The following SLC4A9 variants were observed in gnomAD, a reference collection of about 807,000 sequenced individuals.
SLC4A9 encodes the protein solute carrier family 4 member 9.
In SLC4A9, 102 loss-of-function variants were observed where a neutral mutation model predicts 103.2. The ratio of observed to expected loss-of-function variants is 0.99; its 90% CI spans 0.84 to 1.17. The LOEUF (loss-of-function observed/expected upper bound fraction) is 1.17, where lower values mean the gene tolerates loss of function less well. Ranked by LOEUF, SLC4A9 falls within the 50% of genes most tolerant of loss-of-function variation. The probability of loss-of-function intolerance (pLI) is 0.00; values close to 1 mark genes in which losing one functional copy is unlikely to be tolerated. For missense variants in SLC4A9, 1,091 were observed against 1,193.7 expected (o/e 0.91, Z 1.27); for synonymous variants, 453 against 483.6 (o/e 0.94, Z 0.83).
At chr5:140,362,587 T>C (rs1767260520) in intron 6 of SLC4A9, 55 bp downstream of exon 6, 1 of 1,469,608 alleles carries the variant, frequency 6.8e-7, no homozygotes, top group South Asian at 1.1e-5. Flanking sequence ...CCTGTGTGTG[T>C]GTGCACACAT....
chr5:140,372,699 GTCTT>G lies in SLC4A9; in HGVS notation c.2827-42_2827-39del, dbSNP rs761044804. On this transcript the variant is annotated intron_variant, in intron 20 of 21. Coordinates refer to ENST00000506757, the MANE Select transcript of SLC4A9 (RefSeq NM_031467.3). ...ACCTCTATGTTGTCTTTCACTATCT[GTCTT>G]TCTATCTATTCTCAATCCATCTTGG... The G allele has an allele frequency of 7.3e-6, 11 of 1,497,656 alleles. No homozygotes were observed. In the South Asian group the frequency reaches 1.1e-4, roughly 14 times the overall value. 92.8% of individuals were successfully genotyped at this position (1,497,656 alleles called of 1,614,324 possible).
intron 16 of SLC4A9, 112 bp from the exon 17 acceptor site, chr5:140,368,475 C>A: frequency 2.5e-6 from 2 of 798,514 alleles, no homozygotes; most frequent in South Asian, 2.1e-5. Context: ...CTGGGGTATT[C>A]CTCTAGTTTT....
At position 140,360,968 on chromosome 5, in the gene SLC4A9, C is replaced by T. The variant is rs533357471; in HGVS notation, c.387C>T (p.Leu129=). 154 of 1,575,102 alleles carry T rather than the reference C, an allele frequency of 9.8e-5. No individual in the cohort carries two copies. Among genetic ancestry groups the T allele is most frequent in the Non-Finnish European group, 1.1e-4 (126 of 1,159,874 alleles). Residue 129 remains leucine (L), a synonymous_variant, in exon 2 of 22, where the codon CTC becomes CTT. Transcript: ENST00000506757. ...GCCCAGCTCAGAGCCTCCTGGAGCTCGTGGGTAGGCTGGGATCCTTTGCAG... is the reference window on the plus strand; with the variant it reads ...GCCCAGCTCAGAGCCTCCTGGAGCTTGTGGGTAGGCTGGGATCCTTTGCAG... ...LDCPAQSLLE[L]VEQVTRVESL... is the part of the protein sequence containing the mutation.
intron 17 of SLC4A9, 115 bp from the exon 18 acceptor site, chr5:140,370,980 G>A (rs1229595467): frequency 6.1e-6 from 5 of 822,196 alleles, no homozygotes; most frequent in East Asian, 2.7e-5. Context: ...GAAAGGCAAG[G>A]CCTGGGCAGA....
chr5:140,363,015 A>C lies in SLC4A9; in HGVS notation c.911A>C (p.Asp304Ala), dbSNP rs1767333409. ...EVTVLPPGRW[D>A]PTARIPPPKC... ...ACAGTGCTTCCCCCAGGTCGGTGGG[A>C]CCCAACAGCCCGGATTCCCCCGCCC... Residue 304 changes from aspartate (D) to alanine (A), a missense_variant, in exon 7 of 22, where the codon GAC (aspartate) becomes GCC (alanine). Coordinates refer to ENST00000506757, the MANE Select transcript of SLC4A9 (RefSeq NM_031467.3). The surrounding 1 kb of genome is among the most constrained non-coding windows in gnomAD (Gnocchi z 4.5). 1 of 1,612,322 alleles carries C rather than the reference A, an allele frequency of 6.2e-7. No individual in the cohort carries two copies. The highest frequency in any genetic ancestry group is 1.1e-5 in the South Asian group (1 of 90,916).
chr5:140,362,716 C>T (rs527890540), intron 6 of SLC4A9, among the ~76,000 whole-genome samples, 184 bp downstream of exon 6: 1 of 152,320 alleles, frequency 6.6e-6, no homozygotes, highest in Non-Finnish European at 1.5e-5. Flanking sequence ...AGTGCAGCCC[C>T]ATTACTGGAT....
At position 140,367,467 on chromosome 5, in the gene SLC4A9, C is replaced by A; in HGVS notation, c.2061C>A (p.Asn687Lys). Residue 687 changes from asparagine (N) to lysine (K), a missense_variant, in exon 15 of 22, where the codon AAC (asparagine) becomes AAA (lysine). Physicochemically the swap from Asn to Lys is moderately conservative, Grantham distance 94 (BLOSUM62 0). Coordinates refer to ENST00000506757, the MANE Select transcript of SLC4A9 (RefSeq NM_031467.3). ...GGCTGGTGTCACCTTTTGGAGCCAACCCCTGGTGGTGGAGTGTGGCAGCTG... is the reference window on the plus strand; with the variant it reads ...GGCTGGTGTCACCTTTTGGAGCCAAACCCTGGTGGTGGAGTGTGGCAGCTG... Reference protein sequence around the residue: ...RGWLVSPFGANPWWWSVAAAL... With the variant: ...RGWLVSPFGAKPWWWSVAAAL... The A allele has an allele frequency of 1.2e-6, 2 of 1,609,534 alleles. No individual in the cohort carries two copies. The highest frequency in any genetic ancestry group is 1.1e-5 in the South Asian group (1 of 89,984).
In SLC4A9 at chr5:140,363,933, G is replaced by A. The variant is rs749176217; in HGVS notation, c.1254+31G>A. 5 of 1,608,910 alleles carry A rather than the reference G, an allele frequency of 3.1e-6. No individual in the cohort carries two copies. The East Asian group carries it at 6.7e-5, about 22-fold the overall frequency. On this transcript the variant is annotated intron_variant, in intron 9 of 21. Transcript: ENST00000506757. The surrounding 1 kb of genome is among the most constrained non-coding windows in gnomAD (Gnocchi z 4.5). ...TAGGGCCCAGGGGGCAGGCACAAGC[G>A]TTGGTGTCCCCTAGTCCATCCCTTC...
chr5:140,367,961 T>C, intron 16 of SLC4A9, 63 bp downstream of exon 16: 1 of 1,559,868 alleles, frequency 6.4e-7, no homozygotes. Flanking sequence ...AAGGGGAACA[T>C]GGCAGAGTTA....
At chr5:140,362,364 G>T in intron 5 of SLC4A9, 81 bp from the exon 6 acceptor site, 1 of 1,400,200 alleles carries the variant, frequency 7.1e-7, no homozygotes, top group East Asian at 2.3e-5. Context: ...GGAGCTGATA[G>T]GTCAGAGCTG....
Position 140,364,557 on chromosome 5 carries a change from A to G in SLC4A9, c.1583A>G (p.His528Arg), listed in dbSNP as rs757516075. 2 of 1,605,656 alleles carry G rather than the reference A, an allele frequency of 1.2e-6. No individual in the cohort carries two copies. The highest frequency in any genetic ancestry group is 2.2e-5 in the South Asian group (2 of 89,826). ...GTGGGCAAAATGCTGAACTTGACCCATACCTATCCTATCCAGAAGCCTGGG... is the reference window on the plus strand; with the variant it reads ...GTGGGCAAAATGCTGAACTTGACCCGTACCTATCCTATCCAGAAGCCTGGG... ...DAVGKMLNLTHTYPIQKPGSS... is the reference protein window; with the variant it reads ...DAVGKMLNLTRTYPIQKPGSS... The change falls in exon 11 of 22, where the codon CAT becomes CGT. Residue 528 changes from histidine (H) to arginine (R), a missense_variant. Transcript: ENST00000506757.
chr5:140,367,324 G>T, intron 14 of SLC4A9, 96 bp from the exon 15 acceptor site: 1 of 1,414,752 alleles, frequency 7.1e-7, no homozygotes, highest in Non-Finnish European at 9.5e-7. Context: ...GACTTGGGGT[G>T]GGGGCAGGTT....
chr5:140,367,997 G>C, intron 16 of SLC4A9, 99 bp downstream of exon 16: 2 of 1,286,802 alleles, frequency 1.6e-6, no homozygotes, highest in Non-Finnish European at 2.2e-6. Context: ...TTCTAAGCTG[G>C]TGTCCCACAA....
In SLC4A9 at chr5:140,366,155, G is replaced by T; in HGVS notation, c.1904G>T (p.Arg635Leu). 1 of 1,613,048 alleles carries T rather than the reference G, an allele frequency of 6.2e-7. No homozygotes were observed. The highest frequency in any genetic ancestry group is 8.5e-7 in the Non-Finnish European group (1 of 1,179,394). Residue 635 changes from arginine to leucine, a missense_variant, in exon 14 of 22, where the codon CGC (arginine) becomes CTC (leucine). Physicochemically the swap from Arg to Leu is moderately radical, Grantham distance 102. Coordinates refer to ENST00000506757, the MANE Select transcript of SLC4A9 (RefSeq NM_031467.3). ...TGAGTGTCCACTGTGTGCCAGGTGC[G>T]CAAAGGGCTCAGCGACTTCTCCTCA... The part of the protein sequence containing the change: ...KTSRFFPSVV[R>L]KGLSDFSSVL...
chr5:140,363,309 A>T lies in SLC4A9; in HGVS notation c.963-130A>T. ...TATGACCTGGACCTTCTAGAGGCCC[A>T]GGTGTCGCCATGGTTCCCTCGCCGG... On this transcript the variant is annotated intron_variant, in intron 7 of 21. Transcript: ENST00000506757. The surrounding 1 kb of genome is among the most constrained non-coding windows in gnomAD (Gnocchi z 4.5). 1.1e-6 allele frequency: 1 copy of T among 951,930 alleles called. No individual in the cohort carries two copies. The highest frequency in any genetic ancestry group is 1.7e-5 in the African/African-American group (1 of 60,440). 59.0% of individuals were successfully genotyped at this position (951,930 alleles called of 1,614,324 possible). A position where few individuals can be genotyped will look rare whatever the true frequency, so the allele number is the denominator to read the frequency against.
At chr5:140,361,511 A>G in intron 3 of SLC4A9, 144 bp downstream of exon 3, 1 of 705,850 alleles carries the variant, frequency 1.4e-6, no homozygotes, top group Admixed American at 2.9e-5. Flanking sequence ...ACTGGTGGTA[A>G]TGTTGTGGGG....
chr5:140,370,775 G>A lies in SLC4A9; in HGVS notation c.2428-320G>A, dbSNP rs115989329. 6.6e-4 allele frequency: 188 copies of A among 286,544 alleles called. 1 individual carries two copies. The highest frequency in any genetic ancestry group is 3.6e-3 in the African/African-American group (167 of 46,916). 17.8% of individuals were successfully genotyped at this position (286,544 alleles called of 1,614,324 possible). ...TGGGCATGTTGAGGGAAGGAAAGGC[G>A]GTTAGTATAGTGGGAGCATAAAGAA... On this transcript the variant is annotated intron_variant, in intron 17 of 21. Coordinates refer to ENST00000506757, the MANE Select transcript of SLC4A9 (RefSeq NM_031467.3).
Position 140,367,977 on chromosome 5 carries a change from G to A in SLC4A9, c.2354+79G>A. On this transcript the variant is annotated intron_variant, in intron 16 of 21. Coordinates refer to ENST00000506757, the MANE Select transcript of SLC4A9 (RefSeq NM_031467.3). ...AGGGGAACATGGCAGAGTTACTTGG[G>A]CAGCTTAAATTCTAAGCTGGTGTCC... 4 of 1,491,004 alleles carry A rather than the reference G, an allele frequency of 2.7e-6. No homozygotes were observed. In the South Asian group the frequency reaches 3.6e-5, roughly 13 times the overall value. 92.4% of individuals were successfully genotyped at this position (1,491,004 alleles called of 1,614,324 possible). A position where few individuals can be genotyped will look rare whatever the true frequency, so the allele number is the denominator to read the frequency against.
Position 140,361,840 on chromosome 5 carries a change from G to T in SLC4A9, c.538G>T (p.Glu180Ter), listed in dbSNP as rs1045462839. 1.2e-6 allele frequency: 2 copies of T among 1,614,050 alleles called. No homozygotes were observed. The highest frequency in any genetic ancestry group is 3.3e-4 in the Middle Eastern group (2 of 6,062). ...STHPRKASDNEEAPLREQCQN... is the reference protein window; with the variant it reads ...STHPRKASDN ...TCATCCAAGAAAGGCTTCTGACAATGAGGAAGCCCCCCTGAGGGAACAGGT... is the reference window on the plus strand; with the variant it reads ...TCATCCAAGAAAGGCTTCTGACAATTAGGAAGCCCCCCTGAGGGAACAGGT... The change falls in exon 4 of 22, where the codon GAG becomes TAG. Residue 180 changes from glutamate (E) to a stop codon, truncating the protein, a stop_gained. Coordinates refer to ENST00000506757, the MANE Select transcript of SLC4A9 (RefSeq NM_031467.3). LOFTEE classifies it high-confidence loss of function.
Sources: gnomAD v4.1 joint callset for allele counts (sites outside exome capture counted in the v4.1 genomes callset) on GRCh38, gnomAD v4.1.1 for gene constraint, Gnocchi (gnomAD v3.1) non-coding constraint, MANE v1.5 for transcripts, NCBI Gene and HGNC (gene_info 2026-07-23, HGNC 2026-07-21) for gene names.